The following FSTL4 variants were observed in gnomAD, a reference collection of about 807,000 sequenced individuals.
FSTL4 encodes follistatin-related protein 4.
A neutral mutation model predicts 78.2 loss-of-function variants in FSTL4; 28 were observed. That is an observed-to-expected ratio of 0.36 (90% CI 0.27 to 0.49). The LOEUF (loss-of-function observed/expected upper bound fraction) is 0.49. Among genes scored for constraint, FSTL4 ranks in the 20% least tolerant of loss-of-function variants. The probability of loss-of-function intolerance (pLI) is 0.98; values close to 1 mark genes in which losing one functional copy is unlikely to be tolerated. For missense variants in FSTL4, 922 were observed against 1,084.9 expected (o/e 0.85, Z 2.11); for synonymous variants, 422 against 440.5 (o/e 0.96, Z 0.53).
intron 6 of FSTL4, among the ~76,000 whole-genome samples, chr5:133,269,905 C>T (rs1752730638): frequency 6.6e-6 from 1 of 152,228 alleles, no homozygotes; most frequent in Admixed American, 6.5e-5. Flanking sequence ...TCTGTTGCTG[C>T]CTATCCAGTT....
chr5:133,736,908 C>G, the FSTL4 span, among the ~76,000 whole-genome samples: 4 of 152,024 alleles, frequency 2.6e-5, no homozygotes, highest in African/African-American at 9.7e-5. Context: ...GACGTGCCCA[C>G]AGAGAACAAG....
chr5:133,351,213 T>C (rs1404937465), intron 4 of FSTL4, among the ~76,000 whole-genome samples: 1 of 152,206 alleles, frequency 6.6e-6, no homozygotes, highest in South Asian at 2.1e-4. Context: ...TTTCTGTCTA[T>C]ATAATTGTCC....
rs5871492 is a variant in FSTL4, at chr5:133,457,115, G to GA, written c.161-56130dup. On this transcript the variant is annotated intron_variant, in intron 3 of 15. Transcript: ENST00000265342. ...TTCCTGGAGTGGGGAGATAGAGAAAGAAAAAAAAAAAGAAGAAGAAAAAAA... is the reference window on the plus strand; with the variant it reads ...TTCCTGGAGTGGGGAGATAGAGAAAGAAAAAAAAAAAAGAAGAAGAAAAAAA... Among the ~76,000 whole-genome samples the GA allele has an allele frequency of 3.9e-3, 544 of 138,072 alleles. 1 individual carries two copies. The highest frequency in any genetic ancestry group is 0.013 in the African/African-American group (474 of 37,152). 90.6% of individuals were successfully genotyped at this position (138,072 alleles called of 152,430 possible).
At chr5:133,756,959 G>A in the FSTL4 span, among the ~76,000 whole-genome samples, 1 of 152,102 alleles carries the variant, frequency 6.6e-6, no homozygotes, top group African/African-American at 2.4e-5. Flanking sequence ...CCAGACAATG[G>A]TCTCATGTGA....
At chr5:133,691,688 T>C in the FSTL4 span, among the ~76,000 whole-genome samples, 2 of 151,984 alleles carry the variant, frequency 1.3e-5, no homozygotes, top group Middle Eastern at 3.2e-3. Context: ...GAGGGAGGGT[T>C]ACCTGGCCTC....
At chr5:133,414,662 T>C (rs921360270) in intron 3 of FSTL4, among the ~76,000 whole-genome samples, 6 of 152,288 alleles carry the variant, frequency 3.9e-5, no homozygotes, top group Non-Finnish European at 7.3e-5. Flanking sequence ...ATCTGCTATG[T>C]TGCCAGAGGC....
At chr5:133,688,815 T>G in the FSTL4 span, among the ~76,000 whole-genome samples, 1 of 152,204 alleles carries the variant, frequency 6.6e-6, no homozygotes, top group Non-Finnish European at 1.5e-5. Flanking sequence ...CTGCTGACTG[T>G]CCCGGACTTT....
intron 6 of FSTL4, among the ~76,000 whole-genome samples, chr5:133,302,921 C>T (rs1053019815): frequency 6.6e-6 from 1 of 152,234 alleles, no homozygotes; most frequent in Non-Finnish European, 1.5e-5. Context: ...TTGTCAAGCA[C>T]CTACTCTGTG....
the FSTL4 span, among the ~76,000 whole-genome samples, chr5:133,791,680 C>T: frequency 0.011 from 1,638 of 152,366 alleles, 34 homozygotes; most frequent in African/African-American, 0.037. Flanking sequence ...TCTGTCTACA[C>T]ACCTGCATTC....
chr5:133,260,191 A>G (rs1752485822), intron 6 of FSTL4, among the ~76,000 whole-genome samples: 1 of 152,198 alleles, frequency 6.6e-6, no homozygotes, highest in Non-Finnish European at 1.5e-5. Flanking sequence ...GAAGGCAGAC[A>G]CAGAGCCTCC....
chr5:133,650,625 A>G, the FSTL4 span, among the ~76,000 whole-genome samples: 1 of 152,110 alleles, frequency 6.6e-6, no homozygotes, highest in African/African-American at 2.4e-5. Context: ...TTGGCTCTTC[A>G]TTCTGTTCCA....
intron 3 of FSTL4, among the ~76,000 whole-genome samples, chr5:133,511,763 G>A (rs1758735763): frequency 6.6e-6 from 1 of 152,182 alleles, no homozygotes. Context: ...GGAGGAGGCA[G>A]AAGCCAGGAG....
chr5:133,438,865 G>C (rs1466677769), intron 3 of FSTL4, among the ~76,000 whole-genome samples: 2 of 152,218 alleles, frequency 1.3e-5, no homozygotes, highest in African/African-American at 4.8e-5. Flanking sequence ...GGCTAAGAAT[G>C]GGGTTATGTG....
chr5:133,431,175 G>T (rs1756929565), intron 3 of FSTL4, among the ~76,000 whole-genome samples: 1 of 152,166 alleles, frequency 6.6e-6, no homozygotes, highest in African/African-American at 2.4e-5. Context: ...GAACCCAGGT[G>T]TGGCCTTCTT....
chr5:133,534,382 G>T (rs920945223), intron 3 of FSTL4, among the ~76,000 whole-genome samples: 3 of 152,150 alleles, frequency 2.0e-5, no homozygotes, highest in Non-Finnish European at 2.9e-5. Flanking sequence ...TCCAGGCACG[G>T]GGCAAACTGA....
chr5:133,411,902 C>T (rs1756483672), intron 3 of FSTL4, among the ~76,000 whole-genome samples: 1 of 152,038 alleles, frequency 6.6e-6, no homozygotes, highest in South Asian at 2.1e-4. Context: ...AATCATTCCT[C>T]TCAACAGTAG....
the FSTL4 span, among the ~76,000 whole-genome samples, chr5:133,688,822 CT>C: frequency 2.0e-5 from 3 of 152,200 alleles, no homozygotes; most frequent in African/African-American, 7.2e-5. Context: ...CTGTCCCGGA[CT>C]TTCTGTTTTG....
the FSTL4 span, among the ~76,000 whole-genome samples, chr5:133,773,540 T>G: frequency 6.6e-6 from 1 of 152,202 alleles, no homozygotes; most frequent in Non-Finnish European, 1.5e-5. Flanking sequence ...GCCACATTTC[T>G]CTACCTAAGA....
At position 133,392,812 on chromosome 5, in the gene FSTL4, C is replaced by T. The variant is rs180911527; in HGVS notation, c.409+7926G>A. 3.9e-5 allele frequency among the ~76,000 whole-genome samples: 6 copies of T among 152,262 alleles called. No individual in the cohort carries two copies. In the South Asian group the frequency reaches 1.0e-3, roughly 26 times the overall value. On this transcript the variant is annotated intron_variant, in intron 4 of 15. Coordinates refer to ENST00000265342, the MANE Select transcript of FSTL4 (RefSeq NM_015082.2). ...AAACAGCAGGAAACAATGTGGGGGA[C>T]TCGGAGGCTGTAGCTTGTTTCCATA...
Sources: gnomAD v4.1 joint callset for allele counts (sites outside exome capture counted in the v4.1 genomes callset) on GRCh38, gnomAD v4.1.1 for gene constraint, MANE v1.5 for transcripts, NCBI Gene and HGNC (gene_info 2026-07-23, HGNC 2026-07-21) for gene names.